JADE1: variants seen among roughly 807,000 people sequenced by gnomAD.
JADE1 encodes jade family PHD finger 1, also known as protein Jade-1.
Under a neutral mutation model 81.8 loss-of-function variants are expected in JADE1, and 14 were observed. The observed-to-expected ratio is 0.17, with a 90% CI of 0.11 to 0.27. JADE1 has a LOEUF of 0.27. JADE1 is among the 10% of genes least tolerant of loss of function. The pLI, the probability that JADE1 is intolerant of heterozygous loss-of-function variation, is 1.00. For synonymous variants in JADE1, 353 were observed against 391.9 expected (o/e 0.90, Z 1.17); for missense variants, 690 against 1,047.9 (o/e 0.66, Z 4.71).
intron 10 of JADE1, among the ~76,000 whole-genome samples, chr4:128,869,450 C>T (rs779728844): frequency 6.6e-6 from 1 of 152,320 alleles, no homozygotes. Context: ...GCTGGGATCA[C>T]TAATACAAGT....
intron 1 of JADE1, among the ~76,000 whole-genome samples, chr4:128,818,877 G>A (rs1485411046): frequency 6.6e-6 from 1 of 151,982 alleles, no homozygotes; most frequent in African/African-American, 2.4e-5. Context: ...TTTGAGACAG[G>A]GTCTCACCCT....
intron 1 of JADE1, among the ~76,000 whole-genome samples, chr4:128,828,556 T>TA (rs34795515): frequency 0.48 from 72,584 of 151,980 alleles, 20,736 homozygotes; most frequent in South Asian, 0.65. Flanking sequence ...AAACCCTCAT[T>TA]ACTCAAGATC....
intron 1 of JADE1, among the ~76,000 whole-genome samples, chr4:128,821,119 C>T (rs1170675020): frequency 6.6e-6 from 1 of 152,120 alleles, no homozygotes; most frequent in Non-Finnish European, 1.5e-5. Context: ...GGTTCAGAGA[C>T]CCCCAAGGCA....
chr4:128,858,221 A>C (rs1157617188), intron 8 of JADE1, among the ~76,000 whole-genome samples: 1 of 152,162 alleles, frequency 6.6e-6, no homozygotes, highest in African/African-American at 2.4e-5. Flanking sequence ...TAAGGAGGGA[A>C]TATAGATGGC....
Position 128,871,235 on chromosome 4 carries a change from AGTGTT to A in JADE1, c.1622-112_1622-108del. On this transcript the variant is annotated intron_variant, in intron 10 of 10. Transcript: ENST00000226319. The surrounding 1 kb of genome is among the most constrained non-coding windows in gnomAD (Gnocchi z 4.1). ...AAATTTGTACAAACTTGGTGGTGTAAGTGTTGTGTTGTTGGGTGGGGAGTTCACAT... is the reference window on the plus strand; with the variant it reads ...AAATTTGTACAAACTTGGTGGTGTAAGTGTTGTTGGGTGGGGAGTTCACAT... 1 of 937,636 alleles carries A rather than the reference AGTGTT, an allele frequency of 1.1e-6. No homozygotes were observed. Among genetic ancestry groups the A allele is most frequent in the Non-Finnish European group, 1.6e-6 (1 of 621,212 alleles). The allele number at this position is 937,636 out of a possible 1,614,324, so 58.1% of individuals were successfully genotyped here.
At chr4:128,835,755 A>C (rs1004307345) in intron 2 of JADE1, among the ~76,000 whole-genome samples, 2 of 152,234 alleles carry the variant, frequency 1.3e-5, no homozygotes, top group African/African-American at 4.8e-5. Context: ...AGACGTCAGC[A>C]TGGGGCTGCA....
In JADE1 at chr4:128,849,544, C is replaced by T. The variant is rs377137521; in HGVS notation, c.484+377C>T. Among the ~76,000 whole-genome samples the T allele has an allele frequency of 7.9e-5, 12 of 152,316 alleles. No homozygotes were observed. In the East Asian group the frequency reaches 1.5e-3, roughly 20 times the overall value. Reference sequence around the variant, plus strand: ...ATGCCATTCGGATTCCTTCTTTAGCCGTGGTTTGCTGCTTCTCTAAATGAA... The same window carrying T: ...ATGCCATTCGGATTCCTTCTTTAGCTGTGGTTTGCTGCTTCTCTAAATGAA... On this transcript the variant is annotated intron_variant, in intron 5 of 10. Transcript: ENST00000226319.
intron 1 of JADE1, among the ~76,000 whole-genome samples, chr4:128,812,648 C>T (rs901696440): frequency 6.6e-6 from 1 of 152,200 alleles, no homozygotes; most frequent in Non-Finnish European, 1.5e-5. Flanking sequence ...GTCCCGGCGC[C>T]GGTGAATGCT....
At chr4:128,857,298 C>T (rs761257162) in intron 7 of JADE1, 40 bp from the exon 8 acceptor site, 13 of 1,482,530 alleles carry the variant, frequency 8.8e-6, no homozygotes, top group Admixed American at 5.1e-5. Flanking sequence ...CAGCCTTTGA[C>T]GACCTGAGCC....
At chr4:128,848,586 G>A (rs1285747197) in intron 4 of JADE1, among the ~76,000 whole-genome samples, 2 of 152,128 alleles carry the variant, frequency 1.3e-5, no homozygotes, top group Non-Finnish European at 2.9e-5. Flanking sequence ...TGCCCTGCCT[G>A]TGTGGTGCCC....
chr4:128,817,283 C>G (rs143869949), intron 1 of JADE1, among the ~76,000 whole-genome samples: 1,934 of 75,142 alleles, frequency 0.026, 52 homozygotes, highest in African/African-American at 0.06. Context: ...GAGCTGAGTC[C>G]TCCCGCCCTG....
rs1732439198 is a variant in JADE1 at position 128,874,629 on chromosome 4, G to A, written c.*2367G>A. 6.6e-6 allele frequency: 1 copy of A among 152,588 alleles called. No individual in the cohort carries two copies. Among genetic ancestry groups the A allele is most frequent in the African/African-American group, 2.4e-5 (1 of 41,442 alleles). The allele number at this position is 152,588 out of a possible 1,614,324, so 9.5% of individuals were successfully genotyped here. A position where few individuals can be genotyped will look rare whatever the true frequency, so the allele number is the denominator to read the frequency against. On this transcript the variant is annotated 3_prime_UTR_variant, in exon 11 of 11. Coordinates refer to ENST00000226319, the MANE Select transcript of JADE1 (RefSeq NM_199320.4). ...TGACAGTATAATGATAGCTTTGTGA[G>A]TTAGTTTCATGTCATGCTGGGAACT... is the stretch of plus-strand genomic sequence containing the variant.
At chr4:128,812,386 G>A (rs1310691037) in intron 1 of JADE1, among the ~76,000 whole-genome samples, 2 of 151,840 alleles carry the variant, frequency 1.3e-5, no homozygotes, top group Non-Finnish European at 2.9e-5. Context: ...CGGGCGGCGG[G>A]AGCCGCGCGG....
chr4:128,811,425 GC>G (rs1402132913), intron 1 of JADE1: 5 of 151,930 alleles, frequency 3.3e-5, no homozygotes, highest in Non-Finnish European at 7.4e-5. Context: ...GCCGAGGGCG[GC>G]GGGGGAGGGA....
chr4:128,838,510 G>C (rs561827353), intron 2 of JADE1, among the ~76,000 whole-genome samples: 64 of 152,248 alleles, frequency 4.2e-4, no homozygotes, highest in African/African-American at 1.4e-3. Flanking sequence ...TTAAATATCA[G>C]CACTCTGGAA....
At chr4:128,863,666 C>T (rs1225410235) in intron 9 of JADE1, 3 of 985,246 alleles carry the variant, frequency 3.0e-6, no homozygotes, top group African/African-American at 1.7e-5. Flanking sequence ...CTCCCATACG[C>T]CCCCTGGTGG....
At chr4:128,811,526 T>G (rs1726368224) in intron 1 of JADE1, 1 of 151,074 alleles carries the variant, frequency 6.6e-6, no homozygotes, top group Non-Finnish European at 1.5e-5. Context: ...CCTCTGGTGT[T>G]TGAGGAGAGG....
intron 1 of JADE1, among the ~76,000 whole-genome samples, chr4:128,819,244 C>T (rs28624232): frequency 0.022 from 3,188 of 147,742 alleles, 132 homozygotes; most frequent in African/African-American, 0.074. Flanking sequence ...GTTTTTGTTT[C>T]GCTCTTTTTG....
At chr4:128,822,201 G>A (rs983134265) in intron 1 of JADE1, among the ~76,000 whole-genome samples, 2 of 152,120 alleles carry the variant, frequency 1.3e-5, no homozygotes, top group African/African-American at 4.8e-5. Flanking sequence ...GAGCAGGGAA[G>A]AAATAAATCT....
Sources: gnomAD v4.1 joint callset for allele counts (sites outside exome capture counted in the v4.1 genomes callset) on GRCh38, gnomAD v4.1.1 for gene constraint, Gnocchi (gnomAD v3.1) non-coding constraint, MANE v1.5 for transcripts, NCBI Gene and HGNC (gene_info 2026-07-23, HGNC 2026-07-21) for gene names.